Variants in PARVB observed in about 807,000 individuals in gnomAD.
PARVB encodes beta-parvin.
Under a neutral mutation model 47.0 loss-of-function variants are expected in PARVB, and 46 were observed. That is an observed-to-expected ratio of 0.98 (90% CI 0.77 to 1.25). The LOEUF is 1.25. PARVB is among the 50% of genes most tolerant of loss of function. PARVB has a pLI of 0.00. For synonymous variants in PARVB, 196 were observed against 196.3 expected (o/e 1.00, Z 0.01); for missense variants, 473 against 471.6 (o/e 1.00, Z -0.03).
intron 2 of PARVB, among the ~76,000 whole-genome samples, chr22:44,015,758 T>G (rs6006619): frequency 0.49 from 73,926 of 152,080 alleles, 18,427 homozygotes; most frequent in African/African-American, 0.53. Context: ...GACGGAGGTT[T>G]CAGTGAGCCA....
At chr22:44,129,316 G>T (rs1209901160) in intron 4 of PARVB, among the ~76,000 whole-genome samples, 4 of 152,184 alleles carry the variant, frequency 2.6e-5, no homozygotes, top group Non-Finnish European at 5.9e-5. Context: ...GGCCTCCAGA[G>T]CTGTGACATA....
chr22:44,066,780 T>TCTCCTC (rs199990350), intron 1 of PARVB, among the ~76,000 whole-genome samples: 3,073 of 47,344 alleles, frequency 0.065, 67 homozygotes, highest in Middle Eastern at 0.083. Context: ...CTTAATTATT[T>TCTCCTC]CTCCTCCTCC....
At chr22:44,114,775 A>T (rs2052825186) in intron 3 of PARVB, 1 of 138,566 alleles carries the variant, frequency 7.2e-6, no homozygotes, top group Non-Finnish European at 1.6e-5. Flanking sequence ...GCACCAACAC[A>T]GATACATTGT....
chr22:44,078,010 G>T (rs372964770), intron 1 of PARVB, among the ~76,000 whole-genome samples: 2 of 152,262 alleles, frequency 1.3e-5, no homozygotes, highest in Non-Finnish European at 1.5e-5. Flanking sequence ...TAGGGAAACA[G>T]TTGGGCTTGG....
At chr22:44,013,941 C>A (rs2050551312) in intron 2 of PARVB, among the ~76,000 whole-genome samples, 1 of 152,114 alleles carries the variant, frequency 6.6e-6, no homozygotes, top group Non-Finnish European at 1.5e-5. Context: ...CTCGGTGTAA[C>A]TTCTATTGAA....
At chr22:44,071,493 GTCCCCAGGC>G (rs889682918) in intron 1 of PARVB, among the ~76,000 whole-genome samples, 3 of 152,122 alleles carry the variant, frequency 2.0e-5, no homozygotes, top group African/African-American at 7.2e-5. Context: ...TAGAAAAGGG[GTCCCCAGGC>G]TCTGAATGCT....
At position 44,125,866 on chromosome 22, in the gene PARVB, C is replaced by T. The variant is rs2053174592; in HGVS notation, c.377-5621C>T. 6.6e-6 allele frequency among the ~76,000 whole-genome samples: 1 copy of T among 152,132 alleles called. No individual in the cohort carries two copies. The highest frequency in any genetic ancestry group is 1.5e-5 in the Non-Finnish European group (1 of 68,036). On this transcript the variant is annotated intron_variant, in intron 4 of 12. Transcript: ENST00000338758. This position sits in a 1 kb window ranked among gnomAD's most constrained non-coding sequence, Gnocchi z 4.1. ...GAGAGATCAGTCAGGACACCATTGCCATGGCCCAGGCATCTGATGAAGTAG... is the reference window on the plus strand; with the variant it reads ...GAGAGATCAGTCAGGACACCATTGCTATGGCCCAGGCATCTGATGAAGTAG...
At chr22:44,086,398 A>G (rs1464168082) in intron 1 of PARVB, among the ~76,000 whole-genome samples, 2 of 152,156 alleles carry the variant, frequency 1.3e-5, no homozygotes, top group Non-Finnish European at 1.5e-5. Context: ...CTTTTATCCT[A>G]GGCAAGACAC....
chr22:44,151,234 G>A (rs537721287), intron 9 of PARVB: 11 of 441,110 alleles, frequency 2.5e-5, no homozygotes, highest in South Asian at 7.3e-5. Flanking sequence ...ATGCGTGCAC[G>A]GATTGGCATA....
Position 44,158,075 on chromosome 22 carries a change from G to GATCA in PARVB, c.938_941dup (p.Lys315SerfsTer11). The stretch of plus-strand genomic sequence containing the variant: ...CTTCTACCTGACTCCGGAAAGCTTC[G>GATCA]ATCAGAAGGTATGTGCATGGTCTCC... On this transcript the variant is annotated frameshift_variant, in exon 11 of 13. Coordinates refer to ENST00000338758, the MANE Select transcript of PARVB (RefSeq NM_013327.5). LOFTEE classifies it high-confidence loss of function. The GATCA allele has an allele frequency of 4.3e-6, 7 of 1,610,208 alleles. No homozygotes were observed. The highest frequency in any genetic ancestry group is 5.9e-6 in the Non-Finnish European group (7 of 1,176,502).
At chr22:43,999,326 G>A in exon 1 of PARVB, 1 of 1,589,164 alleles carries the variant, frequency 6.3e-7, no homozygotes, top group South Asian at 1.1e-5. Context: ...CTTTGGGACA[G>A]TTAGATGTGC....
intron 1 of PARVB, among the ~76,000 whole-genome samples, chr22:44,050,252 A>G (rs75587130): frequency 0.06 from 9,055 of 152,158 alleles, 926 homozygotes; most frequent in African/African-American, 0.21. Context: ...ATTGGCAAAC[A>G]GAATCCACAC....
chr22:44,003,233 G>A (rs1193489101), intron 2 of PARVB, among the ~76,000 whole-genome samples: 1 of 152,192 alleles, frequency 6.6e-6, no homozygotes, highest in Non-Finnish European at 1.5e-5. Flanking sequence ...TGACCTTCCT[G>A]TATTGAGTCA....
intron 8 of PARVB, chr22:44,145,498 TG>T (rs374451706): frequency 6.6e-6 from 1 of 152,368 alleles, no homozygotes; most frequent in African/African-American, 2.4e-5. Flanking sequence ...CTCCTTGTAT[TG>T]GGGCCCCAGC....
intron 2 of PARVB, among the ~76,000 whole-genome samples, chr22:44,000,008 A>C (rs1490850498): frequency 2.0e-5 from 3 of 151,762 alleles, no homozygotes; most frequent in Admixed American, 1.3e-4. Flanking sequence ...CCCTGTCACA[A>C]AAAAAAAGAA....
chr22:44,042,850 A>G (rs555466077), intron 1 of PARVB, among the ~76,000 whole-genome samples: 2 of 152,144 alleles, frequency 1.3e-5, no homozygotes, highest in East Asian at 3.8e-4. Flanking sequence ...TTTCTTGTGT[A>G]GAAGATCTGC....
intron 1 of PARVB, among the ~76,000 whole-genome samples, chr22:44,032,351 T>A (rs1453363997): frequency 6.6e-6 from 1 of 152,186 alleles, no homozygotes; most frequent in African/African-American, 2.4e-5. Flanking sequence ...CCTCTGATGT[T>A]CTGACTAAGA....
At chr22:44,034,206 A>G (rs1281783144) in intron 1 of PARVB, among the ~76,000 whole-genome samples, 2 of 149,992 alleles carry the variant, frequency 1.3e-5, no homozygotes, top group Non-Finnish European at 3.0e-5. Flanking sequence ...AATTATAATT[A>G]TATTATAAAG....
intron 2 of PARVB, among the ~76,000 whole-genome samples, chr22:44,016,200 A>C (rs190914843): frequency 0.01 from 1,533 of 149,272 alleles, 26 homozygotes; most frequent in African/African-American, 0.036. Context: ...AGGTTTACGC[A>C]ATTCTCCTGC....
Sources: allele counts gnomAD v4.1 joint callset (sites outside exome capture counted in the v4.1 genomes callset), GRCh38; gene constraint gnomAD v4.1.1; non-coding constraint Gnocchi (gnomAD v3.1); transcripts MANE v1.5; gene names NCBI Gene and HGNC (gene_info 2026-07-23, HGNC 2026-07-21).